Variants in LRRC8A observed in about 807,000 individuals in gnomAD.
The protein encoded by LRRC8A is leucine rich repeat containing 8 VRAC subunit A.
LRRC8A carries 24 observed loss-of-function variants against 52.5 expected under a neutral mutation model. The ratio of observed to expected loss-of-function variants is 0.46; its 90% CI spans 0.33 to 0.64. LRRC8A has a LOEUF of 0.64. LRRC8A is among the 30% of genes least tolerant of loss of function. LRRC8A has a pLI of 0.02. For synonymous variants in LRRC8A, 492 were observed against 494.2 expected, an observed-to-expected ratio of 1.00 and a Z score of 0.06; for missense variants, 677 against 1,094.7, an observed-to-expected ratio of 0.62 and a Z score of 5.38.
At position 128,883,981 on chromosome 9, in the gene LRRC8A, AC is replaced by A. The variant is rs747192806; in HGVS notation, c.-116+1732del. On this transcript the variant is annotated intron_variant, in intron 1 of 3. Coordinates refer to ENST00000372600, the MANE Select transcript of LRRC8A (RefSeq NM_019594.4). ...AAGAGCAAAATTCCATCTCAAAAAA[AC>A]AAAAAAAAAAACAGAGCGGGGGCAC... Among the ~76,000 whole-genome samples, 173 of 151,370 alleles carry A rather than the reference AC, an allele frequency of 1.1e-3. 1 individual carries two copies. Among genetic ancestry groups the A allele is most frequent in the Non-Finnish European group, 2.2e-3 (149 of 67,826 alleles).
At position 128,907,115 on chromosome 9, in the gene LRRC8A, A is replaced by C. The variant is rs751722134; in HGVS notation, c.-8-42A>C. On this transcript the variant is annotated intron_variant, in intron 2 of 3. Coordinates refer to ENST00000372600, the MANE Select transcript of LRRC8A (RefSeq NM_019594.4). This position sits in a 1 kb window ranked among gnomAD's most constrained non-coding sequence, Gnocchi z 9.3. The stretch of plus-strand genomic sequence containing the variant: ...CCTGACCCCTGGTCCTAGGAAAGCC[A>C]GGCCACCCTGTGCTAACCCCCCTCC... 4.0e-6 allele frequency: 6 copies of C among 1,508,596 alleles called. No individual in the cohort carries two copies. Among genetic ancestry groups the C allele is most frequent in the Non-Finnish European group, 5.4e-6 (6 of 1,106,034 alleles). The allele number at this position is 1,508,596 out of a possible 1,614,324, so 93.5% of individuals were successfully genotyped here. A position where few individuals can be genotyped will look rare whatever the true frequency, so the allele number is the denominator to read the frequency against.
chr9:128,917,184 G>A lies in LRRC8A; in HGVS notation c.*813G>A. On this transcript the variant is annotated 3_prime_UTR_variant, in exon 4 of 4. Transcript: ENST00000372600. ...AGGGCAGGGTGGCAGTTTCCCTTGAGCAAAGCAGCCAGACGTTGAACTGTG... is the reference window on the plus strand; with the variant it reads ...AGGGCAGGGTGGCAGTTTCCCTTGAACAAAGCAGCCAGACGTTGAACTGTG... The A allele has an allele frequency of 6.6e-6, 1 of 152,358 alleles. No individual in the cohort carries two copies. The highest frequency in any genetic ancestry group is 1.5e-5 in the Non-Finnish European group (1 of 67,974). The allele number at this position is 152,358 out of a possible 1,614,324, so 9.4% of individuals were successfully genotyped here.
At chr9:128,894,553 G>A (rs1839750451) in intron 2 of LRRC8A, among the ~76,000 whole-genome samples, 1 of 151,520 alleles carries the variant, frequency 6.6e-6, no homozygotes. Flanking sequence ...AGCACTTTGG[G>A]ACACCAAGGC....
intron 1 of LRRC8A, chr9:128,885,437 T>A (rs529523814): frequency 1.3e-5 from 2 of 152,468 alleles, no homozygotes; most frequent in Admixed American, 6.5e-5. Flanking sequence ...TTCCAGCTCC[T>A]ACTCTTAGGA....
chr9:128,896,766 T>G (rs561000682), intron 2 of LRRC8A, among the ~76,000 whole-genome samples: 1 of 152,130 alleles, frequency 6.6e-6, no homozygotes, highest in Non-Finnish European at 1.5e-5. Context: ...CTGTCACCCA[T>G]GCTGGAGTGC....
Position 128,899,689 on chromosome 9 carries a change from A to G in LRRC8A, c.-8-7468A>G, listed in dbSNP as rs1588209910. Among the ~76,000 whole-genome samples, 1 of 152,332 alleles carries G rather than the reference A, an allele frequency of 6.6e-6. No homozygotes were observed. Among genetic ancestry groups the G allele is most frequent in the East Asian group, 1.9e-4 (1 of 5,184 alleles). Reference sequence around the variant, plus strand: ...ATGATTCCACTTACATGAGGTCCCTAGAGAAGTCAGATTGACAGAGAGAGG... The same window carrying G: ...ATGATTCCACTTACATGAGGTCCCTGGAGAAGTCAGATTGACAGAGAGAGG... On this transcript the variant is annotated intron_variant, in intron 2 of 3. Transcript: ENST00000372600. The surrounding 1 kb of genome is among the most constrained non-coding windows in gnomAD (Gnocchi z 4.0).
At chr9:128,910,188 C>T (rs970470051) in intron 3 of LRRC8A, among the ~76,000 whole-genome samples, 1 of 152,188 alleles carries the variant, frequency 6.6e-6, no homozygotes, top group South Asian at 2.1e-4. Context: ...CTCTTCCACC[C>T]GTCCTGGGGA....
rs373351369 is a variant in LRRC8A, at chr9:128,908,142, C to T, written c.978C>T (p.Ile326=). ...TLFKILASFY[I]SLVIFYGLIC... is the part of the protein sequence containing the mutation. ...TCAAGATCCTGGCGTCCTTCTACAT[C>T]AGCCTAGTCATCTTCTACGGCCTCA... The change falls in exon 3 of 4, where the codon ATC becomes ATT. Residue 326 remains isoleucine, a synonymous_variant. Coordinates refer to ENST00000372600, the MANE Select transcript of LRRC8A (RefSeq NM_019594.4). The T allele has an allele frequency of 1.2e-6, 2 of 1,614,066 alleles. No homozygotes were observed. Among genetic ancestry groups the T allele is most frequent in the Non-Finnish European group, 8.5e-7 (1 of 1,180,038 alleles).
chr9:128,883,791 A>G (rs1298777081), intron 1 of LRRC8A, among the ~76,000 whole-genome samples: 15 of 152,218 alleles, frequency 9.9e-5, no homozygotes, highest in South Asian at 2.1e-4. Context: ...TGGCCAACAT[A>G]GTGAAACCTT....
rs1220158922 is a variant in LRRC8A, at chr9:128,911,383, A to C, written c.2157+2062A>C. ...GGACCAGGGCAGGGTTTTCTCTTGT[A>C]GTTTCGGGACAGGCCCACTGAATAG... is the stretch of plus-strand genomic sequence containing the variant. On this transcript the variant is annotated intron_variant, in intron 3 of 3. Transcript: ENST00000372600. The surrounding 1 kb of genome is among the most constrained non-coding windows in gnomAD (Gnocchi z 4.9). 6.6e-6 allele frequency among the ~76,000 whole-genome samples: 1 copy of C among 152,186 alleles called. No individual in the cohort carries two copies. The highest frequency in any genetic ancestry group is 1.5e-5 in the Non-Finnish European group (1 of 68,036).
At chr9:128,900,835 T>C (rs911536402) in intron 2 of LRRC8A, among the ~76,000 whole-genome samples, 2 of 152,186 alleles carry the variant, frequency 1.3e-5, no homozygotes, top group East Asian at 3.9e-4. Flanking sequence ...TGAGGCCAAA[T>C]GGGCAACATA....
intron 2 of LRRC8A, among the ~76,000 whole-genome samples, chr9:128,905,800 T>C (rs1346995933): frequency 6.6e-6 from 1 of 151,934 alleles, no homozygotes; most frequent in Non-Finnish European, 1.5e-5. Flanking sequence ...GCCGAAATGA[T>C]GCCACTGCAC....
chr9:128,895,542 C>T (rs937891800), intron 2 of LRRC8A, among the ~76,000 whole-genome samples: 1 of 152,228 alleles, frequency 6.6e-6, no homozygotes, highest in Non-Finnish European at 1.5e-5. Context: ...ACTCATTTAA[C>T]CCCCAGGCAC....
At chr9:128,886,767 G>T (rs1224670415) in intron 2 of LRRC8A, among the ~76,000 whole-genome samples, 2 of 152,220 alleles carry the variant, frequency 1.3e-5, no homozygotes, top group African/African-American at 4.8e-5. Flanking sequence ...TGTCCTAGAA[G>T]GTGGTCCCGA....
intron 2 of LRRC8A, among the ~76,000 whole-genome samples, chr9:128,900,652 G>T (rs938861525): frequency 6.6e-6 from 1 of 152,142 alleles, no homozygotes; most frequent in African/African-American, 2.4e-5. Flanking sequence ...AGGTTGCAGT[G>T]AGCTGAGATC....
chr9:128,894,224 C>T (rs1374450891), intron 2 of LRRC8A, among the ~76,000 whole-genome samples: 1 of 151,932 alleles, frequency 6.6e-6, no homozygotes, highest in Non-Finnish European at 1.5e-5. Flanking sequence ...TGGCTCACAC[C>T]TGTAATCCCA....
rs1297439083 is a variant in LRRC8A, at chr9:128,907,202, C to T, written c.38C>T (p.Thr13Met). The change falls in exon 3 of 4, where the codon ACG becomes ATG. Residue 13 changes from threonine to methionine, a missense_variant. Thr to Met is a moderately conservative substitution (Grantham distance 81). Transcript: ENST00000372600. The surrounding 1 kb of genome is among the most constrained non-coding windows in gnomAD (Gnocchi z 9.3). Reference sequence around the variant, plus strand: ...ACAGAGCTCCGCTACTTTGCGGACACGCAGCCAGCATACCGGATCCTGAAG... The same window carrying T: ...ACAGAGCTCCGCTACTTTGCGGACATGCAGCCAGCATACCGGATCCTGAAG... ...PVTELRYFADTQPAYRILKPW... is the reference protein window; with the variant it reads ...PVTELRYFADMQPAYRILKPW... 11 of 1,612,038 alleles carry T rather than the reference C, an allele frequency of 6.8e-6. No homozygotes were observed. The highest frequency in any genetic ancestry group is 5.0e-5 in the Admixed American group (3 of 59,998).
In LRRC8A at chr9:128,890,103, A is replaced by G. The variant is rs552694400; in HGVS notation, c.-9+3982A>G. ...CAGGTGTGAGCCACCGCACCTGGCCAGACAGTTGTTTTTTAGTGGCTTCAT... is the reference window on the plus strand; with the variant it reads ...CAGGTGTGAGCCACCGCACCTGGCCGGACAGTTGTTTTTTAGTGGCTTCAT... On this transcript the variant is annotated intron_variant, in intron 2 of 3. Coordinates refer to ENST00000372600, the MANE Select transcript of LRRC8A (RefSeq NM_019594.4). Among the ~76,000 whole-genome samples the G allele has an allele frequency of 1.1e-3, 161 of 144,754 alleles. 1 individual carries two copies. Among genetic ancestry groups the G allele is most frequent in the African/African-American group, 3.9e-3 (156 of 40,080 alleles). The allele number at this position is 144,754 out of a possible 152,430, so 95.0% of individuals were successfully genotyped here.
intron 1 of LRRC8A, among the ~76,000 whole-genome samples, chr9:128,883,844 C>A (rs1005402358): frequency 1.3e-5 from 2 of 152,056 alleles, no homozygotes; most frequent in Admixed American, 1.3e-4. Flanking sequence ...CATGGGGCTG[C>A]GCACCCGTAA....
Sources: gnomAD v4.1 joint callset for allele counts (sites outside exome capture counted in the v4.1 genomes callset) on GRCh38, gnomAD v4.1.1 for gene constraint, Gnocchi (gnomAD v3.1) non-coding constraint, MANE v1.5 for transcripts, NCBI Gene and HGNC (gene_info 2026-07-23, HGNC 2026-07-21) for gene names.